The following NRG1 variants were observed in gnomAD, a reference collection of about 807,000 sequenced individuals.
The protein encoded by NRG1 is neuregulin 1.
A neutral mutation model predicts 63.8 loss-of-function variants in NRG1; 18 were observed. The observed-to-expected ratio is 0.28, with a 90% CI of 0.19 to 0.42. The LOEUF is 0.42. Ranked by LOEUF, NRG1 falls within the 10% of genes least tolerant of loss-of-function variation. The pLI, the probability that NRG1 is intolerant of heterozygous loss-of-function variation, is 1.00. For synonymous variants in NRG1, 302 were observed against 301.3 expected, an observed-to-expected ratio of 1.00 and a Z score of -0.02; for missense variants, 762 against 814.7, an observed-to-expected ratio of 0.94 and a Z score of 0.79.
intron 11 of NRG1, among the ~76,000 whole-genome samples, chr8:32,762,898 CAG>C (rs1270751675): frequency 6.6e-6 from 1 of 152,168 alleles, no homozygotes; most frequent in Non-Finnish European, 1.5e-5. Context: ...TGAGCATTAT[CAG>C]ACATAACATG....
At chr8:32,657,943 A>C (rs1048792656) in intron 5 of NRG1, among the ~76,000 whole-genome samples, 1 of 152,240 alleles carries the variant, frequency 6.6e-6, no homozygotes, top group Admixed American at 6.5e-5. Flanking sequence ...AGAAAAAATA[A>C]TGTCATGTAA....
intron 1 of NRG1, among the ~76,000 whole-genome samples, chr8:32,307,357 T>C (rs1462072507): frequency 6.6e-6 from 1 of 152,166 alleles, no homozygotes; most frequent in Non-Finnish European, 1.5e-5. Context: ...CTGGAATGTG[T>C]ACAGTCAGAA....
intron 2 of NRG1, among the ~76,000 whole-genome samples, 175 bp downstream of exon 2, chr8:32,596,180 T>C (rs958709993): frequency 2.0e-5 from 3 of 152,114 alleles, no homozygotes; most frequent in Admixed American, 1.3e-4. Flanking sequence ...AGAATTCTTG[T>C]GGTTCTTACA....
Position 32,143,757 on chromosome 8 carries a change from G to A in NRG1, c.38-452071G>A, listed in dbSNP as rs114466586. Among the ~76,000 whole-genome samples the A allele has an allele frequency of 4.1e-3, 632 of 152,324 alleles. 3 individuals are homozygous for A. The highest frequency in any genetic ancestry group is 0.015 in the African/African-American group (605 of 41,572). ...ACCTTCTCTTCTTTCAAAGTCAACA[G>A]TTTATGCCCATTGAAAATAAATACA... On this transcript the variant is annotated intron_variant, in intron 1 of 10. Transcript: ENST00000519301.
chr8:32,703,276 T>A (rs1815428839), intron 5 of NRG1, among the ~76,000 whole-genome samples: 2 of 152,118 alleles, frequency 1.3e-5, no homozygotes, highest in South Asian at 4.2e-4. Flanking sequence ...CAGAAAAGGG[T>A]TTACATTGAC....
At chr8:32,578,542 A>C (rs1418736722) in intron 1 of NRG1, among the ~76,000 whole-genome samples, 1 of 150,952 alleles carries the variant, frequency 6.6e-6, no homozygotes, top group Admixed American at 6.6e-5. Flanking sequence ...TCTGATGGTT[A>C]AATCACAGAG....
chr8:32,087,557 G>A (rs913868149), intron 1 of NRG1, among the ~76,000 whole-genome samples: 1 of 120,032 alleles, frequency 8.3e-6, no homozygotes, highest in East Asian at 2.9e-4. Context: ...TGCAACCTTC[G>A]CCTCCCGGGT....
At chr8:31,815,304 G>A (rs1230065742) in intron 1 of NRG1, among the ~76,000 whole-genome samples, 3 of 151,924 alleles carry the variant, frequency 2.0e-5, no homozygotes, top group Non-Finnish European at 4.4e-5. Context: ...TTATGATTTT[G>A]GCTATTCAAA....
chr8:31,660,499 A>G (rs1180638345), intron 1 of NRG1, among the ~76,000 whole-genome samples: 1 of 152,226 alleles, frequency 6.6e-6, no homozygotes, highest in Non-Finnish European at 1.5e-5. Flanking sequence ...TTGCAGAAGA[A>G]TGTTGCATAT....
At position 32,197,800 on chromosome 8, in the gene NRG1, C is replaced by T. The variant is rs554345947; in HGVS notation, c.38-398028C>T. Among the ~76,000 whole-genome samples the T allele has an allele frequency of 4.6e-5, 7 of 152,304 alleles. No homozygotes were observed. In the South Asian group the frequency reaches 1.5e-3, roughly 32 times the overall value. On this transcript the variant is annotated intron_variant, in intron 1 of 10. Transcript: ENST00000519301. ...TTATTTATGCATCCCTCAATCCCCTCCCTCTTCTGCATATTTTGAACTTGC... is the reference window on the plus strand; with the variant it reads ...TTATTTATGCATCCCTCAATCCCCTTCCTCTTCTGCATATTTTGAACTTGC...
intron 1 of NRG1, among the ~76,000 whole-genome samples, chr8:31,991,997 G>A (rs779142430): frequency 1.8e-4 from 27 of 151,780 alleles, no homozygotes; most frequent in Non-Finnish European, 3.1e-4. Context: ...ATCCAAGGGC[G>A]TCTAAATGTT....
intron 1 of NRG1, among the ~76,000 whole-genome samples, chr8:32,360,400 A>G (rs1807053122): frequency 1.3e-5 from 2 of 152,246 alleles, no homozygotes; most frequent in African/African-American, 4.8e-5. Flanking sequence ...TATTATCTCT[A>G]TAGAAAAGAT....
intron 1 of NRG1, among the ~76,000 whole-genome samples, chr8:32,016,340 G>A (rs1815536957): frequency 6.6e-6 from 1 of 152,002 alleles, no homozygotes; most frequent in African/African-American, 2.4e-5. Flanking sequence ...TGGGATTACA[G>A]GTCTGTGCCA....
chr8:32,745,019 T>G (rs777661428), intron 7 of NRG1, among the ~76,000 whole-genome samples: 1 of 152,222 alleles, frequency 6.6e-6, no homozygotes, highest in African/African-American at 2.4e-5. Context: ...ATATATGTAA[T>G]GGCTGTGCAA....
chr8:32,491,990 C>G (rs1025817060), intron 1 of NRG1, among the ~76,000 whole-genome samples: 1 of 152,050 alleles, frequency 6.6e-6, no homozygotes, highest in East Asian at 1.9e-4. Flanking sequence ...TGCTATATAA[C>G]CAAGAAATAT....
intron 1 of NRG1, among the ~76,000 whole-genome samples, chr8:32,246,459 G>A (rs1477711783): frequency 1.3e-5 from 2 of 152,142 alleles, no homozygotes; most frequent in African/African-American, 4.8e-5. Flanking sequence ...GGTTGTGTAA[G>A]TGACGGCATC....
chr8:31,806,501 A>G (rs1238629635), intron 1 of NRG1, among the ~76,000 whole-genome samples: 1 of 152,190 alleles, frequency 6.6e-6, no homozygotes, highest in African/African-American at 2.4e-5. Context: ...AAAAAACTGT[A>G]GAATAATTAC....
rs568141843 is a variant in NRG1 at position 31,898,923 on chromosome 8, T to A, written c.37+259492T>A. 3.3e-5 allele frequency among the ~76,000 whole-genome samples: 5 copies of A among 152,244 alleles called. No homozygotes were observed. In the South Asian group the frequency reaches 1.0e-3, roughly 32 times the overall value. On this transcript the variant is annotated intron_variant, in intron 1 of 10. Coordinates refer to the NRG1 transcript ENST00000519301. ...CAGTATGACAGTGATTTCTACTGTG[T>A]TTCTCCTTCACTCTCTGCAGATCAT...
intron 5 of NRG1, among the ~76,000 whole-genome samples, chr8:32,664,076 A>G (rs1382468707): frequency 6.6e-6 from 1 of 152,126 alleles, no homozygotes; most frequent in Non-Finnish European, 1.5e-5. Context: ...TTAGGTTTTA[A>G]GTCTCATCTT....
Sources: gnomAD v4.1 joint callset for allele counts (sites outside exome capture counted in the v4.1 genomes callset) on GRCh38, gnomAD v4.1.1 for gene constraint, MANE v1.5 for transcripts, NCBI Gene and HGNC (gene_info 2026-07-23, HGNC 2026-07-21) for gene names.